SUZ12: variants seen among roughly 807,000 people sequenced by gnomAD.
SUZ12 encodes SUZ12 polycomb repressive complex 2 subunit.
SUZ12 carries 17 observed loss-of-function variants against 87.3 expected under a neutral mutation model. The ratio of observed to expected loss-of-function variants is 0.19; its 90% confidence interval spans 0.13 to 0.29. The LOEUF is 0.29. Ranked by LOEUF, SUZ12 falls within the 10% of genes least tolerant of loss-of-function variation. SUZ12 has a pLI of 1.00. For synonymous variants in SUZ12, 253 were observed against 312.4 expected (o/e 0.81, Z 2.01); for missense variants, 526 against 912.2 (o/e 0.58, Z 5.45).
chr17:31,988,486 C>T lies in SUZ12; in HGVS notation c.1190C>T (p.Thr397Ile). ...AACAAGCCTGGTTCAGTTAAACCTACTCAAACTATTGGTAAGAAAACATTG... is the reference window on the plus strand; with the variant it reads ...AACAAGCCTGGTTCAGTTAAACCTATTCAAACTATTGGTAAGAAAACATTG... ...QENKPGSVKPTQTIAVKESLT... is the reference protein window; with the variant it reads ...QENKPGSVKPIQTIAVKESLT... Residue 397 changes from threonine to isoleucine, a missense_variant, in exon 10 of 16, where the codon ACT becomes ATT. Physicochemically the swap from Thr to Ile is moderately conservative, Grantham distance 89. Around this residue, in one of 9 missense-constraint regions of SUZ12, gnomAD observed 85 missense variants for 87.4 expected, o/e 0.97. Transcript: ENST00000322652. 6.3e-7 allele frequency: 1 copy of T among 1,597,964 alleles called. No individual in the cohort carries two copies. Among genetic ancestry groups the T allele is most frequent in the Non-Finnish European group, 8.5e-7 (1 of 1,175,894 alleles).
chr17:31,981,452 A>G (rs1241183289), intron 8 of SUZ12, among the ~76,000 whole-genome samples: 2 of 152,208 alleles, frequency 1.3e-5, no homozygotes, highest in Non-Finnish European at 2.9e-5. Flanking sequence ...GTGGGGGAAA[A>G]GTCTCCACAT....
In SUZ12 at chr17:31,937,492, C is replaced by T. The variant is rs1906009986; in HGVS notation, c.246C>T (p.Asp82=). 1.3e-6 allele frequency: 2 copies of T among 1,541,876 alleles called. No individual in the cohort carries two copies. Among genetic ancestry groups the T allele is most frequent in the African/African-American group, 1.4e-5 (1 of 72,892 alleles). Reference sequence around the variant, plus strand: ...CGAAAATGGAGCACGTCCAGGCTGACCACGAGCTTTTCCTCCAGGCCTTTG... The same window carrying T: ...CGAAAATGGAGCACGTCCAGGCTGATCACGAGCTTTTCCTCCAGGCCTTTG... The part of the protein sequence containing the change: ...KKPKMEHVQA[D]HELFLQAFEK... Residue 82 remains aspartate, a synonymous_variant, in exon 1 of 16, where the codon GAC becomes GAT. Coordinates refer to ENST00000322652, the MANE Select transcript of SUZ12 (RefSeq NM_015355.4).
In SUZ12 at chr17:31,978,004, A is replaced by G. The variant is rs184133672; in HGVS notation, c.917+1390A>G. ...TTTCTGCAATTTCTGTTTGGAAACG[A>G]AATATTTTAGTGAAAATATCACCAG... On this transcript the variant is annotated intron_variant, in intron 8 of 15. Coordinates refer to ENST00000322652, the MANE Select transcript of SUZ12 (RefSeq NM_015355.4). 2.2e-3 allele frequency among the ~76,000 whole-genome samples: 332 copies of G among 152,322 alleles called. 1 individual carries two copies. Among genetic ancestry groups the G allele is most frequent in the African/African-American group, 7.3e-3 (302 of 41,572 alleles).
chr17:31,972,367 A>G (rs543776629), intron 5 of SUZ12, among the ~76,000 whole-genome samples: 7 of 140,322 alleles, frequency 5.0e-5, no homozygotes, highest in African/African-American at 2.0e-4. Flanking sequence ...ATGTGTATGT[A>G]TGTGTGTTTG....
chr17:31,965,231 A>T (rs1228814737), intron 4 of SUZ12, among the ~76,000 whole-genome samples: 1 of 152,142 alleles, frequency 6.6e-6, no homozygotes, highest in Non-Finnish European at 1.5e-5. Flanking sequence ...GTAAGGGATC[A>T]GTACTGCTTT....
intron 3 of SUZ12, among the ~76,000 whole-genome samples, chr17:31,940,991 C>G (rs1906241860): frequency 6.6e-6 from 1 of 150,410 alleles, no homozygotes; most frequent in Admixed American, 6.6e-5. Flanking sequence ...GCCTGGGCAA[C>G]AGAGCGAGAC....
intron 8 of SUZ12, among the ~76,000 whole-genome samples, chr17:31,980,796 G>A (rs2142190128): frequency 6.6e-6 from 1 of 152,132 alleles, no homozygotes; most frequent in Non-Finnish European, 1.5e-5. Flanking sequence ...ATTTCTTCAA[G>A]GAGTCCTGAT....
At chr17:31,941,697 G>A (rs962186106) in intron 3 of SUZ12, among the ~76,000 whole-genome samples, 2 of 151,178 alleles carry the variant, frequency 1.3e-5, no homozygotes, top group Non-Finnish European at 2.9e-5. Context: ...CTATAGGCGC[G>A]TGCCACCATG....
At chr17:31,972,314 T>C (rs1567826620) in intron 5 of SUZ12, among the ~76,000 whole-genome samples, 1 of 151,168 alleles carries the variant, frequency 6.6e-6, no homozygotes, top group Non-Finnish European at 1.5e-5. Flanking sequence ...TATATATGTG[T>C]ATATATATGT....
At chr17:31,996,139 G>C (rs1359079166) in intron 14 of SUZ12, among the ~76,000 whole-genome samples, 2 of 152,204 alleles carry the variant, frequency 1.3e-5, no homozygotes, top group Non-Finnish European at 2.9e-5. Flanking sequence ...AACCCCAGGA[G>C]ATGGAGGTTG....
In SUZ12 at chr17:31,995,636, A is replaced by G. The variant is rs1446224204; in HGVS notation, c.1668A>G (p.Thr556=). ...ATGGGGAAGTAGAACAGCAAAGAAC[A>G]TATAGTAGTGGCCACAATCGTCTGT... ...SEDGEVEQQR[T]YSSGHNRLYF... is the part of the protein sequence containing the mutation. The change falls in exon 14 of 16, where the codon ACA becomes ACG. Residue 556 remains threonine, a synonymous_variant. Coordinates refer to ENST00000322652, the MANE Select transcript of SUZ12 (RefSeq NM_015355.4). The G allele has an allele frequency of 1.9e-6, 3 of 1,613,964 alleles. No individual in the cohort carries two copies. Among genetic ancestry groups the G allele is most frequent in the African/African-American group, 2.7e-5 (2 of 74,932 alleles).
Position 31,995,619 on chromosome 17 carries a change from G to A in SUZ12, c.1651G>A (p.Val551Ile). ...SEFLESEDGE[V>I]EQQRTYSSGH... ...ATTTCTTGAATCTGAAGATGGGGAA[G>A]TAGAACAGCAAAGAACATATAGTAG... The change falls in exon 14 of 16, where the codon GTA becomes ATA. Residue 551 changes from valine (V) to isoleucine (I), a missense_variant. Physicochemically the swap from Val to Ile is conservative, Grantham distance 29. Around this residue, in one of 9 missense-constraint regions of SUZ12, gnomAD observed 143 missense variants for 321.6 expected, o/e 0.44. Coordinates refer to ENST00000322652, the MANE Select transcript of SUZ12 (RefSeq NM_015355.4). 1 of 1,613,998 alleles carries A rather than the reference G, an allele frequency of 6.2e-7. No homozygotes were observed. Among genetic ancestry groups the A allele is most frequent in the South Asian group, 1.1e-5 (1 of 91,074 alleles).
At chr17:31,976,867 G>C (rs768343682) in intron 8 of SUZ12, among the ~76,000 whole-genome samples, 1 of 152,158 alleles carries the variant, frequency 6.6e-6, no homozygotes, top group Non-Finnish European at 1.5e-5. Flanking sequence ...CTCTTTGCCA[G>C]ACACTGTTCT....
At chr17:31,985,631 TTTG>T (rs1459683598) in intron 9 of SUZ12, among the ~76,000 whole-genome samples, 4 of 151,160 alleles carry the variant, frequency 2.6e-5, no homozygotes, top group Non-Finnish European at 4.4e-5. Flanking sequence ...ATGAAGAGTT[TTTG>T]TTGTTGTTGG....
chr17:31,970,219 C>T (rs1426625190), intron 5 of SUZ12, among the ~76,000 whole-genome samples: 2 of 152,216 alleles, frequency 1.3e-5, no homozygotes, highest in Non-Finnish European at 2.9e-5. Context: ...TGCATTTAGA[C>T]ATTGGACTAT....
intron 8 of SUZ12, among the ~76,000 whole-genome samples, chr17:31,977,577 C>T (rs910533334): frequency 2.0e-5 from 3 of 151,828 alleles, no homozygotes; most frequent in Admixed American, 6.6e-5. Flanking sequence ...CATGCCTAGG[C>T]GAGACCCCAT....
In SUZ12 at chr17:32,000,193, T is replaced by C. The variant is rs765094854; in HGVS notation, c.*1190T>C. The C allele has an allele frequency of 1.4e-4, 32 of 233,182 alleles. No individual in the cohort carries two copies. The highest frequency in any genetic ancestry group is 2.3e-4 in the Non-Finnish European group (27 of 117,852). The allele number at this position is 233,182 out of a possible 1,614,324, so 14.4% of individuals were successfully genotyped here. A position where few individuals can be genotyped will look rare whatever the true frequency, so the allele number is the denominator to read the frequency against. Reference sequence around the variant, plus strand: ...CAATTTTTTATTATCCTTAAAGATATTGCATTTTCATATTCTTTATTTATA... The same window carrying C: ...CAATTTTTTATTATCCTTAAAGATACTGCATTTTCATATTCTTTATTTATA... On this transcript the variant is annotated 3_prime_UTR_variant, in exon 16 of 16. Coordinates refer to ENST00000322652, the MANE Select transcript of SUZ12 (RefSeq NM_015355.4).
chr17:31,941,878 G>A (rs1906308134), intron 3 of SUZ12, among the ~76,000 whole-genome samples: 1 of 150,188 alleles, frequency 6.7e-6, no homozygotes, highest in Non-Finnish European at 1.5e-5. Flanking sequence ...TTGAGATGGA[G>A]TTTCGCTCTT....
intron 4 of SUZ12, among the ~76,000 whole-genome samples, chr17:31,953,435 TCTC>T (rs1280813024): frequency 2.0e-5 from 3 of 151,978 alleles, no homozygotes; most frequent in African/African-American, 7.3e-5. Flanking sequence ...TGAGACAAGG[TCTC>T]GCTTTGTCAC....
Sources: gnomAD v4.1 joint callset for allele counts (sites outside exome capture counted in the v4.1 genomes callset) on GRCh38, gnomAD v4.1.1 for gene constraint, gnomAD v4.1.1 regional missense constraint, MANE v1.5 for transcripts, NCBI Gene and HGNC (gene_info 2026-07-23, HGNC 2026-07-21) for gene names.